Variants in HLCS observed in about 807,000 individuals in gnomAD.
The protein encoded by HLCS is biotin--protein ligase.
HLCS carries 53 observed loss-of-function variants against 75.0 expected under a neutral mutation model. The ratio of observed to expected loss-of-function variants is 0.71; its 90% CI spans 0.57 to 0.89. The LOEUF is 0.89. HLCS is among the 40% of genes least tolerant of loss of function. The pLI is 0.00. For synonymous variants in HLCS, 431 were observed against 428.6 expected (o/e 1.01, Z -0.07); for missense variants, 966 against 1,074.0 (o/e 0.90, Z 1.41).
At chr21:36,822,016 AG>A (rs1427937775) in intron 6 of HLCS, among the ~76,000 whole-genome samples, 1 of 152,176 alleles carries the variant, frequency 6.6e-6, no homozygotes, top group Non-Finnish European at 1.5e-5. Context: ...GGAGAGCTGC[AG>A]CCAGTCATCC....
chr21:36,959,952 A>G (rs1321267029), intron 2 of HLCS, among the ~76,000 whole-genome samples: 1 of 152,186 alleles, frequency 6.6e-6, no homozygotes, highest in Non-Finnish European at 1.5e-5. Context: ...CCCTTTAAGA[A>G]GCCAAGATCT....
intron 6 of HLCS, among the ~76,000 whole-genome samples, chr21:36,820,552 G>A (rs901199120): frequency 6.6e-6 from 1 of 152,194 alleles, no homozygotes; most frequent in Non-Finnish European, 1.5e-5. Flanking sequence ...GTGTGCACAT[G>A]CTCAGGGCGG....
intron 6 of HLCS, among the ~76,000 whole-genome samples, chr21:36,777,794 T>A (rs1298041250): frequency 6.6e-6 from 1 of 152,162 alleles, no homozygotes; most frequent in Non-Finnish European, 1.5e-5. Context: ...TCTCCTGACA[T>A]CAGGGATGTT....
chr21:36,989,618 C>T (rs1237277194), intron 1 of HLCS, among the ~76,000 whole-genome samples: 2 of 152,158 alleles, frequency 1.3e-5, no homozygotes, highest in Non-Finnish European at 2.9e-5. Flanking sequence ...CGTGAACCAC[C>T]GCGCCCGGCC....
Position 36,765,046 on chromosome 21 carries a change from A to C in HLCS, c.2087T>G (p.Val696Gly). 1 of 1,614,206 alleles carries C rather than the reference A, an allele frequency of 6.2e-7. No individual in the cohort carries two copies. Among genetic ancestry groups the C allele is most frequent in the Non-Finnish European group, 8.5e-7 (1 of 1,180,032 alleles). Residue 696 changes from valine to glycine, a missense_variant, in exon 8 of 11, where the codon GTC becomes GGC. Transcript: ENST00000674895. ...PFVQHLMSVA[V>G]VEAVRSIPEY... ...GGGAATGGACCTCACTGCTTCCACG[A>C]CAGCCACGGACATCAGATGCTGGAC...
At chr21:36,849,995 GTTCCT>G (rs1373323376) in intron 6 of HLCS, among the ~76,000 whole-genome samples, 16 of 152,140 alleles carry the variant, frequency 1.1e-4, no homozygotes, top group Admixed American at 1.0e-3. Flanking sequence ...ACTTGATTTT[GTTCCT>G]TTCAACTTTC....
At position 36,845,256 on chromosome 21, in the gene HLCS, C is replaced by T. The variant is rs543531653; in HGVS notation, c.1892+51604G>A. Among the ~76,000 whole-genome samples the T allele has an allele frequency of 6.6e-5, 10 of 152,228 alleles. No homozygotes were observed. The East Asian group carries it at 9.7e-4, about 15-fold the overall frequency. ...GCCGGCCACTCGGCCCCGATCAAAG[C>T]GGGTTCCATATTACCAGGGAGGTGA... On this transcript the variant is annotated intron_variant, in intron 6 of 10. Transcript: ENST00000674895.
intron 2 of HLCS, chr21:36,947,341 A>C (rs2067452342): frequency 2.0e-6 from 2 of 985,298 alleles, no homozygotes; most frequent in Admixed American, 6.1e-5. Context: ...ACCTAAGTGC[A>C]TTTCCGTTTT....
rs113490233 is a variant in HLCS, at chr21:36,750,241, C to A, written c.*4005G>T. Among the ~76,000 whole-genome samples, 12 of 152,208 alleles carry A rather than the reference C, an allele frequency of 7.9e-5. No homozygotes were observed. The highest frequency in any genetic ancestry group is 2.9e-4 in the African/African-American group (12 of 41,452). On this transcript the variant is annotated 3_prime_UTR_variant, in exon 11 of 11. Transcript: ENST00000674895. ...TTTACAAAAAAGAAAAAAAAATCAT[C>A]GTAGGCCCTAACATGTACCATGTTG...
intron 2 of HLCS, among the ~76,000 whole-genome samples, chr21:36,944,790 T>C (rs2067306240): frequency 6.6e-6 from 1 of 152,160 alleles, no homozygotes. Context: ...GTTCTTCACG[T>C]AGTCACCAGG....
In HLCS at chr21:36,888,445, AATATATATATATATATATATATATAT is replaced by A. The variant is rs71198839; in HGVS notation, c.1892+8389_1892+8414del. On this transcript the variant is annotated intron_variant, in intron 6 of 10. Transcript: ENST00000674895. ...CCCCTTCCCATTTAAAAAAAAAAAA[AATATATATATATATATATATATATAT>A]ATATATATATATATATATATATATA... 9.9e-3 allele frequency among the ~76,000 whole-genome samples: 239 copies of A among 24,102 alleles called. 9 individuals are homozygous for A. Among genetic ancestry groups the A allele is most frequent in the African/African-American group, 0.029 (229 of 7,898 alleles). 15.8% of individuals were successfully genotyped at this position (24,102 alleles called of 152,430 possible).
chr21:36,910,821 C>T (rs930053245), intron 5 of HLCS, among the ~76,000 whole-genome samples: 4 of 152,178 alleles, frequency 2.6e-5, no homozygotes, highest in African/African-American at 2.4e-5. Flanking sequence ...GTCCAGGTTC[C>T]ACGCTGCACG....
intron 6 of HLCS, among the ~76,000 whole-genome samples, chr21:36,847,654 T>A (rs1315571109): frequency 6.6e-6 from 1 of 152,228 alleles, no homozygotes; most frequent in South Asian, 2.1e-4. Context: ...ATCACTAAGC[T>A]AGAAAGAGAA....
chr21:36,884,615 A>C (rs2064367255), intron 6 of HLCS, among the ~76,000 whole-genome samples: 1 of 152,252 alleles, frequency 6.6e-6, no homozygotes, highest in Admixed American at 6.5e-5. Context: ...GTAAACCTGA[A>C]CTGGGGGGAA....
Position 36,830,548 on chromosome 21 carries a change from CA to C in HLCS, c.1893-63264del, listed in dbSNP as rs1293239646. ...GGTTTCACTTTAGTAAAAGTGGAGA[CA>C]GGGGCCAGGTGCGGTGGTTCATGCC... On this transcript the variant is annotated intron_variant, in intron 6 of 10. Transcript: ENST00000674895. Among the ~76,000 whole-genome samples, 6 of 152,150 alleles carry C rather than the reference CA, an allele frequency of 3.9e-5. No individual in the cohort carries two copies. In the East Asian group the frequency reaches 5.8e-4, roughly 15 times the overall value.
chr21:36,845,429 C>A (rs1350395748), intron 6 of HLCS, among the ~76,000 whole-genome samples: 4 of 152,152 alleles, frequency 2.6e-5, no homozygotes, highest in Non-Finnish European at 5.9e-5. Flanking sequence ...ACCCTAGGCA[C>A]CTTCACCAGC....
rs988214307 is a variant in HLCS, at chr21:36,843,223, G to A, written c.1892+53637C>T. On this transcript the variant is annotated intron_variant, in intron 6 of 10. Coordinates refer to ENST00000674895, the MANE Select transcript of HLCS (RefSeq NM_001352514.2). ...GAAGGCCAATGTAGGAGGATAGCTT[G>A]AGTCCAGGAGTTCAAGACCAGCCTG... Among the ~76,000 whole-genome samples the A allele has an allele frequency of 5.3e-5, 8 of 152,232 alleles. 1 individual carries two copies. Among genetic ancestry groups the A allele is most frequent in the African/African-American group, 1.9e-4 (8 of 41,458 alleles).
At chr21:36,956,457 G>GCACA in intron 2 of HLCS, among the ~76,000 whole-genome samples, 1 of 152,194 alleles carries the variant, frequency 6.6e-6, no homozygotes, top group South Asian at 2.1e-4. Flanking sequence ...GGCCAGGTGT[G>GCACA]GTGGCTCACA....
chr21:36,936,564 C>A lies in HLCS; in HGVS notation c.1322G>T (p.Gly441Val), dbSNP rs745933069. 2.5e-6 allele frequency: 4 copies of A among 1,614,218 alleles called. No individual in the cohort carries two copies. The highest frequency in any genetic ancestry group is 3.4e-6 in the Non-Finnish European group (4 of 1,180,042). ...CCTGCCGGGGCTGAGCCGGACGGGG[C>A]CTTCCTGGTACCTGCAGCCACTGCT... ...VLSSGCRYQE[G>V]PVRLSPGRLQ... The change falls in exon 4 of 11, where the codon GGC becomes GTC. Residue 441 changes from glycine (G) to valine (V), a missense_variant. Coordinates refer to ENST00000674895, the MANE Select transcript of HLCS (RefSeq NM_001352514.2).
Sources: allele counts gnomAD v4.1 joint callset (sites outside exome capture counted in the v4.1 genomes callset), GRCh38; gene constraint gnomAD v4.1.1; transcripts MANE v1.5; gene names NCBI Gene and HGNC (gene_info 2026-07-23, HGNC 2026-07-21).